CDC27: variants seen among roughly 807,000 people sequenced by gnomAD.
The protein encoded by CDC27 is cell division cycle protein 27 homolog.
Under a neutral mutation model 109.7 loss-of-function variants are expected in CDC27, and 27 were observed. The observed-to-expected ratio is 0.25, with a 90% CI of 0.18 to 0.34. CDC27 has a LOEUF of 0.34. CDC27 is among the 10% of genes least tolerant of loss of function. CDC27 has a pLI of 1.00. For synonymous variants in CDC27, 266 were observed against 333.9 expected (o/e 0.80, Z 2.22); for missense variants, 579 against 960.2 (o/e 0.60, Z 5.25).
At chr17:47,126,520 A>T (rs180800345) in intron 16 of CDC27, among the ~76,000 whole-genome samples, 1 of 152,054 alleles carries the variant, frequency 6.6e-6, no homozygotes, top group Non-Finnish European at 1.5e-5. Flanking sequence ...ATCAAAGAAA[A>T]CCCCACAAAA....
chr17:47,134,785 CTTTTTTTTTTT>C (rs376654308), intron 14 of CDC27, among the ~76,000 whole-genome samples: 2 of 125,010 alleles, frequency 1.6e-5, no homozygotes, highest in African/African-American at 3.0e-5. Context: ...TAATTGTTTT[CTTTTTTTTTTT>C]TTTTTTTTGT....
At chr17:47,130,662 G>A (rs2062296822) in intron 15 of CDC27, among the ~76,000 whole-genome samples, 1 of 151,956 alleles carries the variant, frequency 6.6e-6, no homozygotes, top group Admixed American at 6.6e-5. Flanking sequence ...ATCACCTGAG[G>A]TCAAGAGTTC....
intron 1 of CDC27, chr17:47,188,932 C>T (rs2064560112): frequency 1.4e-6 from 2 of 1,387,202 alleles, no homozygotes; most frequent in Admixed American, 2.9e-5. Context: ...GCCGAAGCCG[C>T]TCACGCTAAG....
Position 47,157,315 on chromosome 17 carries a change from T to G in CDC27, c.545A>C (p.Asn182Thr). 1 of 1,613,032 alleles carries G rather than the reference T, an allele frequency of 6.2e-7. No individual in the cohort carries two copies. The highest frequency in any genetic ancestry group is 8.5e-7 in the Non-Finnish European group (1 of 1,179,228). Residue 182 changes from asparagine (N) to threonine (T), a missense_variant, in exon 6 of 19, where the codon AAC (asparagine) becomes ACC (threonine). Physicochemically the swap from Asn to Thr is moderately conservative, Grantham distance 65. Transcript: ENST00000066544. ...SLQNFSNCLP[N>T]SCTTQVPNHS... is the part of the protein sequence containing the mutation. ...ATTAGGTACTTGTGTTGTGCAAGAG[T>G]TGGGCAGACAGTTGCTAAAGTTCTG... is the stretch of plus-strand genomic sequence containing the variant.
At chr17:47,136,832 T>C (rs77445213) in intron 14 of CDC27, among the ~76,000 whole-genome samples, 21 of 152,212 alleles carry the variant, frequency 1.4e-4, no homozygotes, top group Non-Finnish European at 2.4e-4. Context: ...CCAATCACCA[T>C]TTCGGTGTTC....
rs369249410 is a variant in CDC27, at chr17:47,151,931, A to T, written c.958-13T>A. On this transcript the variant is annotated splice_polypyrimidine_tract_variant and intron_variant, in intron 8 of 18. Coordinates refer to ENST00000066544, the MANE Select transcript of CDC27 (RefSeq NM_001256.6). ...TTCTGGCAACAGACTGTAAAACACG[A>T]AAAGTCTAAGGTTTGTGAATTATGG... 1 of 1,604,020 alleles carries T rather than the reference A, an allele frequency of 6.2e-7. No individual in the cohort carries two copies. Among genetic ancestry groups the T allele is most frequent in the Non-Finnish European group, 8.5e-7 (1 of 1,175,926 alleles).
intron 9 of CDC27, 133 bp from the exon 10 acceptor site, chr17:47,144,115 G>C (rs1001163852): frequency 3.0e-6 from 1 of 334,082 alleles, no homozygotes; most frequent in Admixed American, 4.8e-5. Flanking sequence ...AATTTGATCA[G>C]TTCTTTTCGT....
intron 9 of CDC27, among the ~76,000 whole-genome samples, chr17:47,145,412 T>G (rs572021472): frequency 6.6e-6 from 1 of 152,236 alleles, no homozygotes; most frequent in East Asian, 1.9e-4. Flanking sequence ...TTGATCAGTG[T>G]AGGTGTTTGA....
intron 9 of CDC27, among the ~76,000 whole-genome samples, chr17:47,145,609 G>T (rs1280499360): frequency 1.3e-5 from 2 of 152,054 alleles, no homozygotes; most frequent in Non-Finnish European, 2.9e-5. Flanking sequence ...GTGCTGTAAA[G>T]GTCAACCATG....
At chr17:47,134,623 G>A (rs148470613) in intron 14 of CDC27, among the ~76,000 whole-genome samples, 55 of 151,950 alleles carry the variant, frequency 3.6e-4, no homozygotes, top group Non-Finnish European at 1.9e-4. Context: ...CTACAGGCAC[G>A]CATCACCACA....
intron 4 of CDC27, among the ~76,000 whole-genome samples, chr17:47,160,831 T>C (rs991439487): frequency 5.9e-5 from 9 of 152,180 alleles, no homozygotes; most frequent in African/African-American, 2.2e-4. Flanking sequence ...GGGAACCAGA[T>C]ATTAGTTTGC....
At chr17:47,134,078 T>C (rs954068112) in intron 14 of CDC27, among the ~76,000 whole-genome samples, 1 of 152,048 alleles carries the variant, frequency 6.6e-6, no homozygotes, top group Admixed American at 6.6e-5. Flanking sequence ...TTTTAATTTT[T>C]TGTGGAGACG....
rs557337386 is a variant in CDC27 at position 47,124,454 on chromosome 17, T to C, written c.2161-494A>G. On this transcript the variant is annotated intron_variant, in intron 16 of 18. Transcript: ENST00000066544. The stretch of plus-strand genomic sequence containing the variant: ...ATGCGCCACCACACCCAGCTAATTT[T>C]TGTATTTTTAGTAGAGACGGGGTTT... 3.1e-4 allele frequency among the ~76,000 whole-genome samples: 47 copies of C among 152,224 alleles called. No individual in the cohort carries two copies. The East Asian group carries it at 6.6e-3, about 21-fold the overall frequency.
At position 47,125,778 on chromosome 17, in the gene CDC27, G is replaced by A. The variant is rs11570565; in HGVS notation, c.2161-1818C>T. Reference sequence around the variant, plus strand: ...AGGCTGGTCTTGAACTCCTGACCTCGTGATCCACCCGCCTCAGCCTCCCAA... The same window carrying A: ...AGGCTGGTCTTGAACTCCTGACCTCATGATCCACCCGCCTCAGCCTCCCAA... On this transcript the variant is annotated intron_variant, in intron 16 of 18. Coordinates refer to ENST00000066544, the MANE Select transcript of CDC27 (RefSeq NM_001256.6). Among the ~76,000 whole-genome samples, 1,250 of 151,526 alleles carry A rather than the reference G, an allele frequency of 8.2e-3. 21 individuals are homozygous for A. The highest frequency in any genetic ancestry group is 0.028 in the African/African-American group (1,161 of 41,302).
At chr17:47,142,457 C>T (rs769911233) in intron 10 of CDC27, 21 bp from the exon 11 acceptor site, 5 of 1,047,426 alleles carry the variant, frequency 4.8e-6, no homozygotes, top group South Asian at 2.9e-5. Context: ...GAAGAAATTT[C>T]ACACCTGTTA....
rs778580407 is a variant in CDC27, at chr17:47,119,843, T to G, written c.*1092A>C. The G allele has an allele frequency of 1.3e-5, 2 of 152,164 alleles. No homozygotes were observed. The highest frequency in any genetic ancestry group is 2.9e-5 in the Non-Finnish European group (2 of 68,034). The allele number at this position is 152,164 out of a possible 1,614,324, so 9.4% of individuals were successfully genotyped here. ...ACATCCTAAACCCAATTACTCTTAG[T>G]AAATGTTTTGGTGACTCACACTACT... On this transcript the variant is annotated 3_prime_UTR_variant, in exon 19 of 19. Transcript: ENST00000066544.
chr17:47,171,852 G>C, intron 3 of CDC27, 65 bp downstream of exon 3: 1 of 1,101,820 alleles, frequency 9.1e-7, no homozygotes, highest in Non-Finnish European at 1.3e-6. Flanking sequence ...AATCTGAAAG[G>C]AATTTTATCC....
At chr17:47,152,389 T>C (rs1024470880) in intron 8 of CDC27, among the ~76,000 whole-genome samples, 7 of 152,116 alleles carry the variant, frequency 4.6e-5, no homozygotes, top group African/African-American at 1.7e-4. Context: ...TTCAGAGGAG[T>C]AGATTTTAAA....
intron 15 of CDC27, among the ~76,000 whole-genome samples, chr17:47,131,126 T>A (rs1202980617): frequency 6.6e-6 from 1 of 152,038 alleles, no homozygotes; most frequent in African/African-American, 2.4e-5. Context: ...AATAAACCAC[T>A]CAAAAATTTA....
Sources: gnomAD v4.1 joint callset for allele counts (sites outside exome capture counted in the v4.1 genomes callset) on GRCh38, gnomAD v4.1.1 for gene constraint, MANE v1.5 for transcripts, NCBI Gene and HGNC (gene_info 2026-07-23, HGNC 2026-07-21) for gene names.